GAPVD1: variants seen among roughly 807,000 people sequenced by gnomAD.
The protein encoded by GAPVD1 is GTPase activating protein and VPS9 domains 1, also known as GTPase-activating protein and VPS9 domain-containing protein 1.
A neutral mutation model predicts 155.5 loss-of-function variants in GAPVD1; 35 were observed. That is an observed-to-expected ratio of 0.23 (90% CI 0.17 to 0.30). The LOEUF (loss-of-function observed/expected upper bound fraction) is 0.30. Among genes scored for constraint, GAPVD1 ranks in the 10% least tolerant of loss-of-function variants. The pLI is 1.00. For synonymous variants in GAPVD1, 636 were observed against 619.7 expected (o/e 1.03, Z -0.39); for missense variants, 1,429 against 1,775.7 (o/e 0.80, Z 3.51).
chr9:125,335,613 G>A (rs865886000), intron 15 of GAPVD1, among the ~76,000 whole-genome samples: 1 of 152,068 alleles, frequency 6.6e-6, no homozygotes, highest in Non-Finnish European at 1.5e-5. Context: ...GGAGGTGGAG[G>A]TTGCAGTGAG....
At chr9:125,294,348 C>CA (rs1839482354) in intron 2 of GAPVD1, among the ~76,000 whole-genome samples, 2 of 127,968 alleles carry the variant, frequency 1.6e-5, no homozygotes, top group Admixed American at 1.6e-4. Flanking sequence ...GCCAAAATGG[C>CA]TTTTTTTTTT....
intron 15 of GAPVD1, among the ~76,000 whole-genome samples, chr9:125,335,567 C>T (rs1001759954): frequency 6.6e-6 from 1 of 151,888 alleles, no homozygotes; most frequent in African/African-American, 2.4e-5. Flanking sequence ...ATGCCAGCTA[C>T]TCGGGAGGCT....
At chr9:125,335,442 C>A (rs898733974) in intron 15 of GAPVD1, among the ~76,000 whole-genome samples, 1 of 151,944 alleles carries the variant, frequency 6.6e-6, no homozygotes, top group Admixed American at 6.5e-5. Context: ...CTTTGGGAGG[C>A]CGAGGCAGGC....
At chr9:125,285,453 G>GTTTTTTTTTTTTTTTTTTTTTT (rs10659223) in intron 2 of GAPVD1, among the ~76,000 whole-genome samples, 2 of 94,686 alleles carry the variant, frequency 2.1e-5, no homozygotes, top group Non-Finnish European at 4.0e-5. Context: ...TTTTTTCTTT[G>GTTTTTTTTTTTTTTTTTTTTTT]TTTTTTTTTT....
intron 23 of GAPVD1, 126 bp from the exon 24 acceptor site, chr9:125,354,528 C>G (rs546752708): frequency 1.6e-6 from 1 of 625,784 alleles, no homozygotes; most frequent in Non-Finnish European, 2.8e-6. Flanking sequence ...GAAGAGAGCA[C>G]AGACATGCTA....
intron 2 of GAPVD1, among the ~76,000 whole-genome samples, chr9:125,283,802 TTC>T (rs1169418827): frequency 1.3e-5 from 2 of 152,188 alleles, no homozygotes; most frequent in African/African-American, 4.8e-5. Context: ...CTTAGAGACC[TTC>T]TCTTTAGTCA....
chr9:125,298,807 A>C (rs768821098), intron 3 of GAPVD1, 83 bp from the exon 4 acceptor site: 4 of 616,038 alleles, frequency 6.5e-6, no homozygotes, highest in Non-Finnish European at 1.1e-5. Flanking sequence ...TGAATTCTTA[A>C]AGTATTCTCC....
chr9:125,337,396 T>C lies in GAPVD1; in HGVS notation c.2682T>C (p.Pro894=). 1 of 1,614,146 alleles carries C rather than the reference T, an allele frequency of 6.2e-7. No homozygotes were observed. The highest frequency in any genetic ancestry group is 8.5e-7 in the Non-Finnish European group (1 of 1,179,960). The change falls in exon 17 of 28, where the codon CCT becomes CCC. Residue 894 remains proline (P), a synonymous_variant. Transcript: ENST00000297933. ...CATTCAAGCAAAGGCATTCTTACCC[T>C]GAGAGACTAGTTCGAAGCAGGAGCT... ...MEAFKQRHSY[P]ERLVRSRSSD...
intron 2 of GAPVD1, among the ~76,000 whole-genome samples, chr9:125,273,022 T>C (rs1835169741): frequency 6.6e-6 from 1 of 152,204 alleles, no homozygotes; most frequent in Non-Finnish European, 1.5e-5. Context: ...GCATGGGGGT[T>C]GTGAAAACTT....
At position 125,340,039 on chromosome 9, in the gene GAPVD1, G is replaced by T. The variant is rs571061838; in HGVS notation, c.2878-1138G>T. Among the ~76,000 whole-genome samples the T allele has an allele frequency of 1.5e-3, 231 of 152,260 alleles. 1 individual carries two copies. Among genetic ancestry groups the T allele is most frequent in the Non-Finnish European group, 2.0e-3 (134 of 68,006 alleles). ...GTTTTTTGTTTGTTTGTTTGTTTTTGAGATGGAGTCTCACTCTGTCGCCCA... is the reference window on the plus strand; with the variant it reads ...GTTTTTTGTTTGTTTGTTTGTTTTTTAGATGGAGTCTCACTCTGTCGCCCA... On this transcript the variant is annotated intron_variant, in intron 17 of 27. Coordinates refer to ENST00000297933, the MANE Select transcript of GAPVD1 (RefSeq NM_001282680.3).
intron 15 of GAPVD1, among the ~76,000 whole-genome samples, chr9:125,335,881 G>C (rs1466679191): frequency 2.0e-5 from 3 of 152,078 alleles, no homozygotes; most frequent in African/African-American, 7.2e-5. Flanking sequence ...GGCCAGGCAT[G>C]GTAGCTCATG....
intron 2 of GAPVD1, among the ~76,000 whole-genome samples, chr9:125,275,512 A>AC (rs1835631179): frequency 6.6e-6 from 1 of 152,022 alleles, no homozygotes; most frequent in Admixed American, 6.6e-5. Context: ...ACTTTGGGAG[A>AC]CCAAGGTGGG....
At position 125,359,500 on chromosome 9, in the gene GAPVD1, AG is replaced by A; in HGVS notation, c.4044+10del. 7.5e-7 allele frequency: 1 copy of A among 1,337,478 alleles called. No homozygotes were observed. The highest frequency in any genetic ancestry group is 1.7e-5 in the Admixed American group (1 of 59,684). 82.9% of individuals were successfully genotyped at this position (1,337,478 alleles called of 1,614,324 possible). On this transcript the variant is annotated intron_variant, in intron 26 of 27. Transcript: ENST00000297933. ...GCTCTTCAGATACCAGAGGTAATAC[AG>A]GTTTATATAGCATGGGTAATGTTAA...
rs144482218 is a variant in GAPVD1 at position 125,329,067 on chromosome 9, G to A, written c.2033-1011G>A. On this transcript the variant is annotated intron_variant, in intron 12 of 27. Transcript: ENST00000297933. Reference sequence around the variant, plus strand: ...AGGGAGGTTGCAGTGAGCCAAGATGGCAGCAGTACAGTCCAGCTTCGGCTC... The same window carrying A: ...AGGGAGGTTGCAGTGAGCCAAGATGACAGCAGTACAGTCCAGCTTCGGCTC... Among the ~76,000 whole-genome samples, 1,452 of 152,358 alleles carry A rather than the reference G, an allele frequency of 9.5e-3. 27 individuals are homozygous for A. The highest frequency in any genetic ancestry group is 0.033 in the African/African-American group (1,377 of 41,584).
intron 5 of GAPVD1, among the ~76,000 whole-genome samples, 157 bp downstream of exon 5, chr9:125,302,983 A>G (rs539350565): frequency 6.6e-6 from 1 of 152,312 alleles, no homozygotes; most frequent in Admixed American, 6.5e-5. Flanking sequence ...AAATAAAAGC[A>G]GTAATACTGG....
chr9:125,318,646 G>A (rs529655700), intron 9 of GAPVD1, among the ~76,000 whole-genome samples: 1 of 152,190 alleles, frequency 6.6e-6, no homozygotes, highest in Non-Finnish European at 1.5e-5. Context: ...GCCAGTTATG[G>A]TGGCTCATGC....
chr9:125,306,909 C>G (rs1841921722), intron 6 of GAPVD1, among the ~76,000 whole-genome samples: 2 of 152,144 alleles, frequency 1.3e-5, no homozygotes, highest in Admixed American at 6.6e-5. Flanking sequence ...GTGGACGGAT[C>G]ACTTGAACTC....
chr9:125,298,886 T>C lies in GAPVD1; in HGVS notation c.-32-4T>C. 7.6e-7 allele frequency: 1 copy of C among 1,320,164 alleles called. No individual in the cohort carries two copies. The highest frequency in any genetic ancestry group is 2.2e-5 in the Admixed American group (1 of 45,470). The allele number at this position is 1,320,164 out of a possible 1,614,324, so 81.8% of individuals were successfully genotyped here. On this transcript the variant is annotated splice_polypyrimidine_tract_variant and splice_region_variant and intron_variant, in intron 3 of 27. Coordinates refer to ENST00000297933, the MANE Select transcript of GAPVD1 (RefSeq NM_001282680.3). ...ACTTTAAATCTTTATCTTTTTACTC[T>C]TAGTGATCAGCCTTTGAGCCTTTCC...
At chr9:125,280,896 C>A (rs1041940902) in intron 2 of GAPVD1, among the ~76,000 whole-genome samples, 1 of 151,876 alleles carries the variant, frequency 6.6e-6, no homozygotes, top group Non-Finnish European at 1.5e-5. Flanking sequence ...CTTCTAATAA[C>A]CTAAAAAAAG....
Sources: gnomAD v4.1 joint callset for allele counts (sites outside exome capture counted in the v4.1 genomes callset) on GRCh38, gnomAD v4.1.1 for gene constraint, MANE v1.5 for transcripts, NCBI Gene and HGNC (gene_info 2026-07-23, HGNC 2026-07-21) for gene names.